The following TMEM117 variants were observed in gnomAD, a reference collection of about 807,000 sequenced individuals.
The protein encoded by TMEM117 is transmembrane protein 117.
TMEM117 carries 27 observed loss-of-function variants against 52.4 expected under a neutral mutation model. The observed-to-expected ratio is 0.51, with a 90% confidence interval of 0.38 to 0.71. The LOEUF (loss-of-function observed/expected upper bound fraction) is 0.71. TMEM117 is among the 30% of genes least tolerant of loss of function. TMEM117 has a pLI of 0.00. For synonymous variants in TMEM117, 215 were observed against 206.3 expected (o/e 1.04, Z -0.36); for missense variants, 556 against 630.5 (o/e 0.88, Z 1.26).
intron 2 of TMEM117, among the ~76,000 whole-genome samples, chr12:43,927,938 T>C (rs1944806543): frequency 6.6e-6 from 1 of 152,092 alleles, no homozygotes; most frequent in Admixed American, 6.5e-5. Context: ...CCAAGTTTTT[T>C]TGTGTTTTCT....
At chr12:44,357,471 A>G (rs1370534291) in intron 6 of TMEM117, among the ~76,000 whole-genome samples, 1 of 152,098 alleles carries the variant, frequency 6.6e-6, no homozygotes, top group East Asian at 1.9e-4. Flanking sequence ...CAGAGGAGGG[A>G]CACTTAGATC....
intron 3 of TMEM117, among the ~76,000 whole-genome samples, chr12:43,997,557 C>A (rs1303080966): frequency 6.6e-6 from 1 of 152,164 alleles, no homozygotes; most frequent in Admixed American, 6.5e-5. Context: ...TCCTCCAATT[C>A]TATTCCCCTT....
chr12:44,065,535 T>TA (rs1217488988), intron 3 of TMEM117, among the ~76,000 whole-genome samples: 4 of 152,220 alleles, frequency 2.6e-5, no homozygotes, highest in African/African-American at 9.6e-5. Flanking sequence ...ACATATTTCT[T>TA]AAAAACAATC....
At chr12:44,392,342 A>G (rs1952164986), downstream of TMEM117, among the ~76,000 whole-genome samples, 1 of 152,174 alleles carries the variant, frequency 6.6e-6, no homozygotes, top group Non-Finnish European at 1.5e-5. Context: ...TACTTTAAAC[A>G]GGCTTTAAAA....
intron 3 of TMEM117, among the ~76,000 whole-genome samples, chr12:44,133,635 A>G (rs1049082150): frequency 8.5e-5 from 13 of 152,104 alleles, no homozygotes; most frequent in African/African-American, 3.1e-4. Flanking sequence ...AAATTATGAA[A>G]CAAATTTATG....
chr12:44,106,096 T>A lies in TMEM117; in HGVS notation c.411-37429T>A, dbSNP rs978688433. 7.9e-5 allele frequency among the ~76,000 whole-genome samples: 12 copies of A among 152,192 alleles called. No homozygotes were observed. The South Asian group carries it at 2.3e-3, about 29-fold the overall frequency. Reference sequence around the variant, plus strand: ...GAGGTTTCTACTTAAGGGTTTCTTCTAAGTTGCAATTTTCTGTATTCACCT... The same window carrying A: ...GAGGTTTCTACTTAAGGGTTTCTTCAAAGTTGCAATTTTCTGTATTCACCT... On this transcript the variant is annotated intron_variant, in intron 3 of 7. Coordinates refer to ENST00000266534, the MANE Select transcript of TMEM117 (RefSeq NM_032256.3).
At chr12:43,950,578 G>C (rs1415632291) in intron 3 of TMEM117, among the ~76,000 whole-genome samples, 2 of 151,332 alleles carry the variant, frequency 1.3e-5, no homozygotes, top group African/African-American at 4.9e-5. Flanking sequence ...TTGTTAAACA[G>C]TCTCTCCAAA....
At chr12:44,153,892 G>A (rs1005351786) in intron 4 of TMEM117, among the ~76,000 whole-genome samples, 1 of 151,962 alleles carries the variant, frequency 6.6e-6, no homozygotes, top group Non-Finnish European at 1.5e-5. Flanking sequence ...GCTTCATTAT[G>A]TTTCAAGAGA....
chr12:44,198,873 G>A (rs957355083), intron 4 of TMEM117, among the ~76,000 whole-genome samples: 1 of 152,006 alleles, frequency 6.6e-6, no homozygotes, highest in South Asian at 2.1e-4. Context: ...AGGCTTAAAC[G>A]TTGTAAGCAA....
In TMEM117 at chr12:43,910,143, AC is replaced by A. The variant is rs1177545382; in HGVS notation, c.278-34065del. On this transcript the variant is annotated intron_variant, in intron 2 of 7. Transcript: ENST00000266534. ...CAGCAGCACATCAAAAAGCTTATCC[AC>A]CATGATCAAGTGGGCTTCATCCCTG... 2.8e-5 allele frequency among the ~76,000 whole-genome samples: 4 copies of A among 141,438 alleles called. No individual in the cohort carries two copies. In the East Asian group the frequency reaches 8.5e-4, roughly 30 times the overall value. The allele number at this position is 141,438 out of a possible 152,430, so 92.8% of individuals were successfully genotyped here. A position where few individuals can be genotyped will look rare whatever the true frequency, so the allele number is the denominator to read the frequency against.
intron 4 of TMEM117, among the ~76,000 whole-genome samples, chr12:44,179,450 A>G (rs1949160383): frequency 6.6e-6 from 1 of 152,192 alleles, no homozygotes; most frequent in African/African-American, 2.4e-5. Flanking sequence ...TGCAAATCCT[A>G]CAGTTCAAAA....
At chr12:44,356,839 C>T (rs1275276154) in intron 6 of TMEM117, among the ~76,000 whole-genome samples, 1 of 152,104 alleles carries the variant, frequency 6.6e-6, no homozygotes, top group African/African-American at 2.4e-5. Flanking sequence ...AGCTTCTTAA[C>T]ACAAGACTCT....
At chr12:43,847,639 G>A (rs903255290) in intron 2 of TMEM117, among the ~76,000 whole-genome samples, 3 of 152,170 alleles carry the variant, frequency 2.0e-5, no homozygotes, top group African/African-American at 7.2e-5. Context: ...CTTTTTGAGA[G>A]CTCAGTCATC....
At chr12:43,922,442 TA>T (rs1364596248) in intron 2 of TMEM117, among the ~76,000 whole-genome samples, 1 of 152,168 alleles carries the variant, frequency 6.6e-6, no homozygotes, top group Non-Finnish European at 1.5e-5. Context: ...TTGGTTTAAT[TA>T]TATGGAATAA....
At chr12:44,209,841 TGAA>T (rs1265865329) in intron 4 of TMEM117, among the ~76,000 whole-genome samples, 1 of 152,108 alleles carries the variant, frequency 6.6e-6, no homozygotes, top group East Asian at 1.9e-4. Flanking sequence ...AGTGAGCATG[TGAA>T]GCATTGACAT....
At chr12:43,963,808 T>C (rs184369741) in intron 3 of TMEM117, among the ~76,000 whole-genome samples, 1 of 152,306 alleles carries the variant, frequency 6.6e-6, no homozygotes, top group Admixed American at 6.5e-5. Context: ...AAGATGGAGC[T>C]AAAGTCAGGA....
chr12:43,805,835 T>G, the TMEM117 span: 1 of 1,392,394 alleles, frequency 7.2e-7, no homozygotes, highest in African/African-American at 1.4e-5. Flanking sequence ...ACTCGCCTGG[T>G]TCTCGACAGC....
intron 5 of TMEM117, among the ~76,000 whole-genome samples, chr12:44,281,498 T>C (rs746876758): frequency 1.3e-5 from 2 of 152,220 alleles, no homozygotes; most frequent in Non-Finnish European, 2.9e-5. Context: ...TTTGTCTTCA[T>C]CAAAGTCACA....
intron 2 of TMEM117, among the ~76,000 whole-genome samples, chr12:43,891,013 G>A (rs903862247): frequency 1.3e-5 from 2 of 151,764 alleles, no homozygotes; most frequent in Non-Finnish European, 2.9e-5. Context: ...GATTCCTAAT[G>A]ATTTCCCCAG....
Sources: allele counts gnomAD v4.1 joint callset (sites outside exome capture counted in the v4.1 genomes callset), GRCh38; gene constraint gnomAD v4.1.1; transcripts MANE v1.5; gene names NCBI Gene and HGNC (gene_info 2026-07-23, HGNC 2026-07-21).